MCU: variants seen among roughly 807,000 people sequenced by gnomAD.
MCU encodes mitochondrial calcium uniporter, also known as calcium uniporter protein, mitochondrial.
A neutral mutation model predicts 45.2 loss-of-function variants in MCU; 12 were observed. The ratio of observed to expected loss-of-function variants is 0.27; its 90% CI spans 0.17 to 0.43. The LOEUF (loss-of-function observed/expected upper bound fraction) is 0.43, where lower values mean the gene tolerates loss of function less well. Among genes scored for constraint, MCU ranks in the 20% least tolerant of loss-of-function variants. MCU has a pLI of 1.00. For missense variants in MCU, 324 were observed against 436.7 expected, an observed-to-expected ratio of 0.74 and a Z score of 2.30; for synonymous variants, 160 against 165.1, an observed-to-expected ratio of 0.97 and a Z score of 0.24.
chr10:72,751,394 C>T (rs1269499193), intron 1 of MCU, among the ~76,000 whole-genome samples: 1 of 81,588 alleles, frequency 1.2e-5, no homozygotes, highest in Non-Finnish European at 2.3e-5. Context: ...CATTCTGTTT[C>T]CCCGGGCTAG....
At chr10:72,864,589 A>T (rs1454129061) in intron 4 of MCU, among the ~76,000 whole-genome samples, 4 of 152,200 alleles carry the variant, frequency 2.6e-5, no homozygotes, top group Non-Finnish European at 4.4e-5. Context: ...TACAGTATAT[A>T]ATACATATAC....
At chr10:72,838,430 A>C (rs1453624275) in intron 2 of MCU, among the ~76,000 whole-genome samples, 2 of 152,052 alleles carry the variant, frequency 1.3e-5, no homozygotes, top group Non-Finnish European at 2.9e-5. Flanking sequence ...CCTGGGCAAC[A>C]TAGACCTCAT....
At chr10:72,879,221 C>T (rs11000435) in intron 6 of MCU, among the ~76,000 whole-genome samples, 5,792 of 152,216 alleles carry the variant, frequency 0.038, 228 homozygotes, top group East Asian at 0.21. Flanking sequence ...TGAGATCACA[C>T]CACTGCACTC....
At chr10:72,723,343 A>G (rs1843050455) in intron 1 of MCU, among the ~76,000 whole-genome samples, 2 of 152,126 alleles carry the variant, frequency 1.3e-5, no homozygotes, top group African/African-American at 4.8e-5. Context: ...TATTTTTTCT[A>G]ACATATTCAG....
chr10:72,798,569 C>T (rs886489597), intron 1 of MCU, among the ~76,000 whole-genome samples: 1 of 152,084 alleles, frequency 6.6e-6, no homozygotes, highest in Non-Finnish European at 1.5e-5. Context: ...GGATTACAGG[C>T]GTAATCCTAG....
chr10:72,871,017 C>T (rs1845534180), intron 5 of MCU, among the ~76,000 whole-genome samples: 1 of 152,236 alleles, frequency 6.6e-6, no homozygotes, highest in African/African-American at 2.4e-5. Context: ...TCACCCACCC[C>T]AGCCTCCCGA....
intron 6 of MCU, among the ~76,000 whole-genome samples, chr10:72,876,775 A>G (rs938764084): frequency 6.6e-6 from 1 of 152,154 alleles, no homozygotes; most frequent in East Asian, 1.9e-4. Context: ...TAGCCCCTCC[A>G]CATGTTCTTA....
Position 72,800,518 on chromosome 10 carries a change from G to A in MCU, c.151-33841G>A, listed in dbSNP as rs1022980656. 1.4e-4 allele frequency among the ~76,000 whole-genome samples: 21 copies of A among 152,290 alleles called. No homozygotes were observed. The East Asian group carries it at 4.1e-3, about 29-fold the overall frequency. On this transcript the variant is annotated intron_variant, in intron 1 of 7. Coordinates refer to ENST00000373053, the MANE Select transcript of MCU (RefSeq NM_138357.3). The stretch of plus-strand genomic sequence containing the variant: ...CCGGTAATGCAAAACAGATGGAAAA[G>A]CCTGTTGGTCATGTATCAAGATTTA...
chr10:72,838,039 A>G (rs944824046), intron 2 of MCU, among the ~76,000 whole-genome samples: 1 of 149,876 alleles, frequency 6.7e-6, no homozygotes, highest in Non-Finnish European at 1.5e-5. Flanking sequence ...TTTTTTGTAT[A>G]TTTAGTAGAG....
chr10:72,758,332 C>T (rs535934492), intron 1 of MCU, among the ~76,000 whole-genome samples: 1 of 152,296 alleles, frequency 6.6e-6, no homozygotes, highest in African/African-American at 2.4e-5. Context: ...TGCCATTGCA[C>T]CTGCTTCTTC....
intron 6 of MCU, among the ~76,000 whole-genome samples, chr10:72,872,752 C>A (rs749417374): frequency 1.1e-4 from 17 of 152,078 alleles, no homozygotes; most frequent in Non-Finnish European, 2.5e-4. Context: ...CTTTAACATA[C>A]TGATTTCCTT....
intron 2 of MCU, among the ~76,000 whole-genome samples, chr10:72,854,811 G>A (rs1233131964): frequency 6.6e-6 from 1 of 152,204 alleles, no homozygotes; most frequent in Non-Finnish European, 1.5e-5. Flanking sequence ...CATATTGCCT[G>A]TGGCTGCTTT....
At chr10:72,801,119 G>C (rs897387739) in intron 1 of MCU, among the ~76,000 whole-genome samples, 1 of 152,106 alleles carries the variant, frequency 6.6e-6, no homozygotes. Context: ...TCACTGAAGT[G>C]AGAAACCAAA....
intron 1 of MCU, among the ~76,000 whole-genome samples, chr10:72,726,405 A>G (rs946794325): frequency 5.9e-5 from 9 of 152,112 alleles, no homozygotes; most frequent in African/African-American, 1.2e-4. Flanking sequence ...CATTAATTCA[A>G]TGGCCGTATA....
intron 1 of MCU, among the ~76,000 whole-genome samples, chr10:72,786,475 T>C (rs1028170211): frequency 2.0e-5 from 3 of 152,214 alleles, no homozygotes; most frequent in Non-Finnish European, 4.4e-5. Context: ...CTGGGTGCCA[T>C]GGCTCTTTCC....
intron 6 of MCU, among the ~76,000 whole-genome samples, chr10:72,877,965 C>G (rs1338316416): frequency 6.6e-6 from 1 of 152,016 alleles, no homozygotes; most frequent in South Asian, 2.1e-4. Flanking sequence ...TCATCTCAAT[C>G]CTGTAAATTA....
intron 1 of MCU, among the ~76,000 whole-genome samples, chr10:72,720,626 T>G (rs565485062): frequency 6.6e-6 from 1 of 152,328 alleles, no homozygotes; most frequent in South Asian, 2.1e-4. Context: ...GAATACTCCT[T>G]AGCCCTGCCA....
intron 1 of MCU, among the ~76,000 whole-genome samples, chr10:72,707,927 CCTT>C (rs1483548002): frequency 2.6e-5 from 4 of 152,026 alleles, no homozygotes; most frequent in African/African-American, 9.7e-5. Context: ...TCCTGCCTCA[CCTT>C]CTTCAGTAGC....
intron 1 of MCU, among the ~76,000 whole-genome samples, chr10:72,728,001 A>G (rs1843123195): frequency 6.6e-6 from 1 of 152,066 alleles, no homozygotes; most frequent in South Asian, 2.1e-4. Context: ...AAATGCCCAA[A>G]TTATACCACT....
Sources: allele counts gnomAD v4.1 joint callset (sites outside exome capture counted in the v4.1 genomes callset), GRCh38; gene constraint gnomAD v4.1.1; transcripts MANE v1.5; gene names NCBI Gene and HGNC (gene_info 2026-07-23, HGNC 2026-07-21).